TMPRSS9: variants seen among roughly 807,000 people sequenced by gnomAD.
TMPRSS9 encodes transmembrane protease serine 9.
Under a neutral mutation model 111.4 loss-of-function variants are expected in TMPRSS9, and 113 were observed. The ratio of observed to expected loss-of-function variants is 1.01; its 90% CI spans 0.87 to 1.19. The LOEUF is 1.19. Ranked by LOEUF, TMPRSS9 falls within the 50% of genes most tolerant of loss-of-function variation. The pLI, the probability that TMPRSS9 is intolerant of heterozygous loss-of-function variation, is 0.00. For missense variants in TMPRSS9, 1,803 were observed against 1,513.1 expected (o/e 1.19, Z -3.18); for synonymous variants, 805 against 659.1 (o/e 1.22, Z -3.39).
rs76693955 is a variant in TMPRSS9, at chr19:2,414,073, G to A, written c.1573+55G>A. 3.9e-4 allele frequency: 562 copies of A among 1,450,938 alleles called. 5 individuals carry two copies. In the African/African-American group the frequency reaches 7.2e-3, roughly 19 times the overall value. 89.9% of individuals were successfully genotyped at this position (1,450,938 alleles called of 1,614,324 possible). On this transcript the variant is annotated intron_variant, in intron 10 of 17. Coordinates refer to ENST00000648592, the Ensembl canonical transcript of TMPRSS9. ...ATGTACGTGCCTATCTTGATTTAGG[G>A]AGAACGGATATCGTCATAGTATCTT...
intron 1 of TMPRSS9, among the ~76,000 whole-genome samples, chr19:2,361,318 T>TGGTGG (rs1268903302): frequency 8.5e-5 from 6 of 70,740 alleles, no homozygotes; most frequent in Admixed American, 6.6e-4. Flanking sequence ...TGGGATGGGT[T>TGGTGG]GGTGGGGTGG....
chr19:2,419,666 G>A (rs1351670575), intron 13 of TMPRSS9, among the ~76,000 whole-genome samples: 1 of 151,926 alleles, frequency 6.6e-6, no homozygotes, highest in Admixed American at 6.6e-5. Context: ...ACAGGCATGT[G>A]CCTCCACGTC....
chr19:2,413,747 C>T (rs761224951), exon 10 of TMPRSS9: 9 of 1,613,738 alleles, frequency 5.6e-6, no homozygotes, highest in African/African-American at 1.3e-5. Flanking sequence ...CTGGCCGGTT[C>T]TTTCTGGCTG....
intron 1 of TMPRSS9, among the ~76,000 whole-genome samples, chr19:2,390,663 C>T (rs1004815388): frequency 2.6e-5 from 4 of 151,102 alleles, no homozygotes; most frequent in African/African-American, 9.7e-5. Flanking sequence ...TGAGAACAGC[C>T]TAGGCAACAT....
intron 1 of TMPRSS9, among the ~76,000 whole-genome samples, chr19:2,393,898 CAAAAAAAAAAAAA>C (rs34160378): frequency 3.1e-5 from 2 of 63,578 alleles, no homozygotes; most frequent in Admixed American, 1.6e-4. Context: ...ACCATGTCTC[CAAAAAAAAAAAAA>C]AAAAAAAAAA....
intron 1 of TMPRSS9, among the ~76,000 whole-genome samples, chr19:2,394,957 C>G (rs1970677127): frequency 6.6e-6 from 1 of 152,170 alleles, no homozygotes; most frequent in Admixed American, 6.6e-5. Flanking sequence ...GTACTTTGTA[C>G]TTTGGACACA....
At chr19:2,406,523 T>C (rs11878625) in intron 7 of TMPRSS9, among the ~76,000 whole-genome samples, 53,709 of 147,258 alleles carry the variant, frequency 0.36, 11,015 homozygotes, top group African/African-American at 0.58. Context: ...TTAGTAGAGA[T>C]GGGTTTTCGC....
At chr19:2,412,224 G>C (rs1461993065) in intron 9 of TMPRSS9, among the ~76,000 whole-genome samples, 4 of 137,256 alleles carry the variant, frequency 2.9e-5, no homozygotes, top group African/African-American at 9.2e-5. Flanking sequence ...CAAAACTTTT[G>C]TCTCTACAAA....
At chr19:2,387,074 AG>A (rs1187476109), upstream of TMPRSS9, among the ~76,000 whole-genome samples, 1 of 148,160 alleles carries the variant, frequency 6.7e-6, no homozygotes, top group Non-Finnish European at 1.5e-5. Flanking sequence ...CAGAAAAATG[AG>A]GCCGGGTGCA....
chr19:2,362,781 TG>T (rs1970211140), intron 1 of TMPRSS9, among the ~76,000 whole-genome samples: 1 of 151,942 alleles, frequency 6.6e-6, no homozygotes, highest in Non-Finnish European at 1.5e-5. Context: ...AATTTGTGGA[TG>T]GTGGAGTGAG....
chr19:2,407,608 C>CTTT (rs71178273), intron 7 of TMPRSS9, among the ~76,000 whole-genome samples: 3 of 98,404 alleles, frequency 3.0e-5, no homozygotes, highest in Non-Finnish European at 6.1e-5. Flanking sequence ...CTTTTCTTTT[C>CTTT]TTTTTTTTTT....
exon 14 of TMPRSS9, chr19:2,422,182 C>T (rs1190774844): frequency 6.4e-7 from 1 of 1,561,854 alleles, no homozygotes. Flanking sequence ...GCCGTGAGCA[C>T]CACTGCTAGG....
chr19:2,415,756 A>G (rs1971216275), exon 11 of TMPRSS9: 2 of 1,610,542 alleles, frequency 1.2e-6, no homozygotes, highest in Admixed American at 3.3e-5. Flanking sequence ...CTGGCAGGTC[A>G]GCCTGAAGGA....
chr19:2,385,000 A>T (rs1599281734), upstream of TMPRSS9, among the ~76,000 whole-genome samples: 2 of 146,138 alleles, frequency 1.4e-5, no homozygotes, highest in East Asian at 4.2e-4. Flanking sequence ...AAAAAAAGAG[A>T]GAAAAGCCCA....
intron 10 of TMPRSS9, 76 bp downstream of exon 11, chr19:2,414,094 A>G (rs1971165535): frequency 4.3e-6 from 6 of 1,401,942 alleles, no homozygotes; most frequent in South Asian, 1.5e-5. Flanking sequence ...TCGTCATAGT[A>G]TCTTCATAAT....
At chr19:2,402,468 A>G (rs1970871075) in intron 5 of TMPRSS9, among the ~76,000 whole-genome samples, 1 of 151,796 alleles carries the variant, frequency 6.6e-6, no homozygotes, top group South Asian at 2.1e-4. Flanking sequence ...GGCCGGGCGC[A>G]CTGGCTCATG....
At chr19:2,371,419 G>T (rs1057005066) in intron 1 of TMPRSS9, among the ~76,000 whole-genome samples, 1 of 152,194 alleles carries the variant, frequency 6.6e-6, no homozygotes, top group Admixed American at 6.5e-5. Flanking sequence ...GGGCGCAGCG[G>T]CTCACGCCTG....
chr19:2,425,945 C>T, exon 18 of TMPRSS9: 5 of 1,600,478 alleles, frequency 3.1e-6, no homozygotes, highest in Non-Finnish European at 3.4e-6. Context: ...TGGGGGACCC[C>T]TGGCCTGCAG....
At chr19:2,371,092 G>A (rs909574768) in intron 1 of TMPRSS9, among the ~76,000 whole-genome samples, 5 of 152,216 alleles carry the variant, frequency 3.3e-5, no homozygotes, top group Admixed American at 1.3e-4. Context: ...TGTCCTCTGC[G>A]AAGGCTCTGA....
Sources: gnomAD v4.1 joint callset for allele counts (sites outside exome capture counted in the v4.1 genomes callset) on GRCh38, gnomAD v4.1.1 for gene constraint, MANE v1.5 for transcripts, NCBI Gene and HGNC (gene_info 2026-07-23, HGNC 2026-07-21) for gene names.